Variants in DCAF8 observed in about 807,000 individuals in gnomAD.
DCAF8 encodes the protein DDB1- and CUL4-associated factor 8.
A neutral mutation model predicts 68.0 loss-of-function variants in DCAF8; 20 were observed. The observed-to-expected ratio is 0.29, with a 90% CI of 0.21 to 0.43. The LOEUF (loss-of-function observed/expected upper bound fraction) is 0.43, where lower values mean the gene tolerates loss of function less well. Ranked by LOEUF, DCAF8 falls within the 20% of genes least tolerant of loss-of-function variation. The pLI is 1.00. For missense variants in DCAF8, 460 were observed against 771.0 expected (o/e 0.60, Z 4.78); for synonymous variants, 230 against 276.9 (o/e 0.83, Z 1.68).
chr1:160,259,427 G>A (rs1656972509), intron 2 of DCAF8, among the ~76,000 whole-genome samples: 2 of 152,088 alleles, frequency 1.3e-5, no homozygotes, highest in South Asian at 4.1e-4. Context: ...CAGCTACTCG[G>A]GAGGTTGAGG....
intron 6 of DCAF8, among the ~76,000 whole-genome samples, chr1:160,232,971 T>C (rs924613845): frequency 2.6e-5 from 4 of 152,226 alleles, no homozygotes; most frequent in Non-Finnish European, 5.9e-5. Context: ...GATCTAAGCA[T>C]TCAATTAGTC....
chr1:160,230,464 G>A (rs548196683), intron 7 of DCAF8, among the ~76,000 whole-genome samples: 1 of 152,218 alleles, frequency 6.6e-6, no homozygotes, highest in Non-Finnish European at 1.5e-5. Flanking sequence ...GTTTTCCTTA[G>A]GTCATGTCTC....
Position 160,244,519 on chromosome 1 carries a change from A to G in DCAF8, c.-26-485T>C, listed in dbSNP as rs1308766975. ...TAAAGAGGTGGGTCAGATTCTGAGTATCATTTTACACACAAATCAACAGAA... is the reference window on the plus strand; with the variant it reads ...TAAAGAGGTGGGTCAGATTCTGAGTGTCATTTTACACACAAATCAACAGAA... On this transcript the variant is annotated intron_variant, in intron 2 of 13. Coordinates refer to ENST00000368074, the MANE Select transcript of DCAF8 (RefSeq NM_015726.4). 2.0e-5 allele frequency among the ~76,000 whole-genome samples: 3 copies of G among 152,340 alleles called. No homozygotes were observed. In the East Asian group the frequency reaches 5.8e-4, roughly 29 times the overall value.
rs145493075 is a variant in DCAF8 at position 160,244,094 on chromosome 1, T to C, written c.-26-60A>G. 5.2e-4 allele frequency: 634 copies of C among 1,229,644 alleles called. 6 individuals are homozygous for C. In the African/African-American group the frequency reaches 6.1e-3, roughly 12 times the overall value. The allele number at this position is 1,229,644 out of a possible 1,614,324, so 76.2% of individuals were successfully genotyped here. On this transcript the variant is annotated intron_variant, in intron 2 of 13. Transcript: ENST00000368074. ...GGAAACCACCTGGGAAAGAAGACAATAGGGACAAGGAGATTTAACAATGTA... is the reference window on the plus strand; with the variant it reads ...GGAAACCACCTGGGAAAGAAGACAACAGGGACAAGGAGATTTAACAATGTA...
intron 11 of DCAF8, chr1:160,220,383 AG>A (rs1245996703): frequency 2.6e-5 from 4 of 152,262 alleles, no homozygotes; most frequent in African/African-American, 9.7e-5. Flanking sequence ...AAAAAAACAC[AG>A]GGGAACAATT....
intron 2 of DCAF8, among the ~76,000 whole-genome samples, chr1:160,246,344 A>T (rs1246586340): frequency 6.6e-6 from 1 of 152,214 alleles, no homozygotes; most frequent in Non-Finnish European, 1.5e-5. Flanking sequence ...ACAGGAGCCC[A>T]GACTGCCTGA....
chr1:160,218,133 A>C, intron 13 of DCAF8, 191 bp downstream of exon 13: 1 of 650,474 alleles, frequency 1.5e-6, no homozygotes, highest in Non-Finnish European at 2.8e-6. Context: ...GGCAATGGAC[A>C]AAAGTAGATA....
intron 6 of DCAF8, among the ~76,000 whole-genome samples, chr1:160,236,331 CATATGTGTGT>C (rs1655884488): frequency 6.6e-6 from 1 of 151,042 alleles, no homozygotes; most frequent in Non-Finnish European, 1.5e-5. Context: ...TATATAAATA[CATATGTGTGT>C]ATATGTGTGT....
intron 2 of DCAF8, among the ~76,000 whole-genome samples, chr1:160,254,531 C>T (rs547915187): frequency 1.3e-5 from 2 of 151,132 alleles, no homozygotes; most frequent in African/African-American, 4.9e-5. Flanking sequence ...CCATGGCTCA[C>T]GCCTGTAATC....
At chr1:160,255,304 T>C (rs1656785950) in intron 2 of DCAF8, among the ~76,000 whole-genome samples, 1 of 152,240 alleles carries the variant, frequency 6.6e-6, no homozygotes, top group Non-Finnish European at 1.5e-5. Flanking sequence ...TAGATTTTTT[T>C]ACTATTATTA....
At chr1:160,234,247 A>AAC in intron 6 of DCAF8, among the ~76,000 whole-genome samples, 1 of 151,850 alleles carries the variant, frequency 6.6e-6, no homozygotes, top group East Asian at 1.9e-4. Flanking sequence ...CACCTCAAAA[A>AAC]AAAAAAAAAA....
intron 6 of DCAF8, among the ~76,000 whole-genome samples, chr1:160,236,263 A>ACACAC (rs60453098): frequency 0.094 from 13,633 of 144,492 alleles, 735 homozygotes; most frequent in South Asian, 0.23. Flanking sequence ...ATCACACACA[A>ACACAC]ACACACACAC....
intron 2 of DCAF8, among the ~76,000 whole-genome samples, chr1:160,258,279 C>T (rs1283382092): frequency 4.6e-5 from 7 of 151,964 alleles, no homozygotes; most frequent in African/African-American, 1.7e-4. Flanking sequence ...CCCAAGAGGT[C>T]GAGGTTGCAG....
chr1:160,230,608 G>C (rs1172158930), intron 7 of DCAF8, among the ~76,000 whole-genome samples: 4 of 152,158 alleles, frequency 2.6e-5, no homozygotes, highest in Non-Finnish European at 5.9e-5. Context: ...AACTATTTCT[G>C]AATTGAAAAC....
intron 10 of DCAF8, 132 bp downstream of exon 10, chr1:160,224,310 C>G (rs2101719706): frequency 1.5e-6 from 1 of 648,302 alleles, no homozygotes; most frequent in South Asian, 2.0e-5. Context: ...AACTCCAGCC[C>G]AATTCAGGAT....
intron 6 of DCAF8, among the ~76,000 whole-genome samples, chr1:160,235,742 T>G (rs1338781991): frequency 6.8e-6 from 1 of 148,104 alleles, no homozygotes; most frequent in African/African-American, 2.5e-5. Flanking sequence ...TTACAATGAT[T>G]TTTTTTTTTT....
intron 6 of DCAF8, 93 bp from the exon 7 acceptor site, chr1:160,231,500 GA>G (rs1257038578): frequency 1.9e-5 from 15 of 802,210 alleles, no homozygotes; most frequent in Non-Finnish European, 3.1e-5. Context: ...TGGCTAATAA[GA>G]AACCAAAGAG....
At chr1:160,226,239 G>C (rs968600501) in intron 7 of DCAF8, among the ~76,000 whole-genome samples, 1 of 152,048 alleles carries the variant, frequency 6.6e-6, no homozygotes, top group Non-Finnish European at 1.5e-5. Context: ...GGTTACTCAC[G>C]GGCAGAAACC....
intron 1 of DCAF8, chr1:160,261,806 A>G (rs1324555663): frequency 6.6e-6 from 1 of 152,288 alleles, no homozygotes; most frequent in Non-Finnish European, 1.5e-5. Context: ...GTTCTAAGAT[A>G]TCCTAAAAGA....
Sources: gnomAD v4.1 joint callset for allele counts (sites outside exome capture counted in the v4.1 genomes callset) on GRCh38, gnomAD v4.1.1 for gene constraint, MANE v1.5 for transcripts, NCBI Gene and HGNC (gene_info 2026-07-23, HGNC 2026-07-21) for gene names.